Variants in CNGB1 observed in about 807,000 individuals in gnomAD.
CNGB1 encodes cyclic nucleotide-gated channel beta-1.
CNGB1 carries 126 observed loss-of-function variants against 151.7 expected under a neutral mutation model. The ratio of observed to expected loss-of-function variants is 0.83; its 90% CI spans 0.72 to 0.96. CNGB1 has a LOEUF of 0.96. Ranked by LOEUF, CNGB1 falls within the 40% of genes least tolerant of loss-of-function variation. CNGB1 has a pLI of 0.00. For synonymous variants in CNGB1, 623 were observed against 635.1 expected (o/e 0.98, Z 0.29); for missense variants, 1,698 against 1,627.0 (o/e 1.04, Z -0.75).
At chr16:57,939,290 A>G in intron 16 of CNGB1, 140 bp downstream of exon 16, 1 of 1,185,156 alleles carries the variant, frequency 8.4e-7, no homozygotes, top group Non-Finnish European at 1.2e-6. Context: ...ATTTTCCTGA[A>G]GACAGGGTGG....
chr16:57,952,712 G>T (rs1961984065), intron 12 of CNGB1, among the ~76,000 whole-genome samples: 1 of 151,830 alleles, frequency 6.6e-6, no homozygotes, highest in Non-Finnish European at 1.5e-5. Flanking sequence ...TATTGGCCAG[G>T]CTGGTCTCGA....
chr16:57,961,976 G>T (rs976507486), intron 7 of CNGB1, among the ~76,000 whole-genome samples: 3 of 152,142 alleles, frequency 2.0e-5, no homozygotes, highest in African/African-American at 7.2e-5. Flanking sequence ...AAAATTGAGG[G>T]TTTTACATAA....
chr16:57,905,883 A>G (rs1408777770), intron 25 of CNGB1, among the ~76,000 whole-genome samples: 2 of 152,356 alleles, frequency 1.3e-5, no homozygotes, highest in South Asian at 2.1e-4. Flanking sequence ...ACAGTGAAAA[A>G]TAAGTTTCTG....
chr16:57,964,486 C>A lies in CNGB1; in HGVS notation c.217+1G>T, dbSNP rs750060375. On this transcript the variant is annotated splice_donor_variant, in intron 3 of 32. Transcript: ENST00000251102. LOFTEE classifies it high-confidence loss of function. ...GCCTGGGCTTCAGCACTCGCACTCA[C>A]CCTGAGGGCTTGGGTCTGCCACAGC... 2 of 1,614,062 alleles carry A rather than the reference C, an allele frequency of 1.2e-6. No individual in the cohort carries two copies. Among genetic ancestry groups the A allele is most frequent in the Non-Finnish European group, 8.5e-7 (1 of 1,180,012 alleles).
intron 13 of CNGB1, 30 bp downstream of exon 13, chr16:57,950,351 A>C: frequency 6.2e-7 from 1 of 1,613,492 alleles, no homozygotes; most frequent in Non-Finnish European, 8.5e-7. Context: ...AACAATAACT[A>C]ATCTTTTAGG....
intron 16 of CNGB1, among the ~76,000 whole-genome samples, chr16:57,934,128 G>C (rs1168176940): frequency 6.6e-6 from 1 of 152,098 alleles, no homozygotes; most frequent in Non-Finnish European, 1.5e-5. Context: ...ATCCTCTGGA[G>C]AAGAGGATGA....
chr16:57,904,704 G>T, intron 26 of CNGB1, 30 bp downstream of exon 26: 2 of 1,613,620 alleles, frequency 1.2e-6, no homozygotes, highest in South Asian at 1.1e-5. Flanking sequence ...CAGTCAGGTG[G>T]GGTGGGAAGC....
At chr16:57,885,996 A>C (rs1693925693) in intron 32 of CNGB1, among the ~76,000 whole-genome samples, 1 of 152,198 alleles carries the variant, frequency 6.6e-6, no homozygotes, top group African/African-American at 2.4e-5. Context: ...TCAGCAGCTC[A>C]TGGGAAGTTA....
intron 11 of CNGB1, 116 bp downstream of exon 11, chr16:57,958,294 G>A (rs1962141769): frequency 1.8e-6 from 1 of 555,264 alleles, no homozygotes; most frequent in Non-Finnish European, 2.8e-6. Context: ...CATGCAGACA[G>A]GAAGGCTGGG....
chr16:57,935,673 C>T (rs111693391), intron 16 of CNGB1, among the ~76,000 whole-genome samples: 2 of 152,010 alleles, frequency 1.3e-5, no homozygotes, highest in African/African-American at 2.4e-5. Context: ...AGAATTGGTA[C>T]AGATTTAGCA....
chr16:57,923,492 TG>T (rs1228227731), intron 17 of CNGB1, 112 bp from the exon 18 acceptor site: 23 of 866,542 alleles, frequency 2.7e-5, no homozygotes, highest in Non-Finnish European at 3.7e-5. Context: ...AGATAGAGGA[TG>T]GGGGGCGGAG....
chr16:57,922,863 C>CT (rs60779514), intron 18 of CNGB1, among the ~76,000 whole-genome samples: 20,150 of 146,718 alleles, frequency 0.14, 3,442 homozygotes, highest in African/African-American at 0.4. Context: ...GCCAGGGAAT[C>CT]TTTTTTTTTT....
Position 57,898,157 on chromosome 16 carries a change from G to A in CNGB1, c.2977-243C>T, listed in dbSNP as rs1346553715. ...CCTCCATAACTGACAGGGTTGCAGT[G>A]GGGGAGTTAGTGATGTCATGGAATG... On this transcript the variant is annotated intron_variant, in intron 29 of 32. Transcript: ENST00000251102. Among the ~76,000 whole-genome samples the A allele has an allele frequency of 2.0e-5, 3 of 152,164 alleles. No individual in the cohort carries two copies. In the East Asian group the frequency reaches 5.8e-4, roughly 29 times the overall value.
rs375213691 is a variant in CNGB1 at position 57,920,456 on chromosome 16, G to T, written c.1732C>A (p.Arg578=). The change falls in exon 19 of 33, where the codon CGG becomes AGG. Residue 578 remains arginine (R), a synonymous_variant. Coordinates refer to ENST00000251102, the MANE Select transcript of CNGB1 (RefSeq NM_001297.5). The part of the protein sequence containing the change: ...LQELVKLFKE[R]TEKVKEKLID... ...AGTTTCTCCTTCACTTTCTCTGTCC[G>T]CTCCTTGAAGAGCTTCACCAGCTCC... 6.2e-7 allele frequency: 1 copy of T among 1,614,000 alleles called. No homozygotes were observed. Among genetic ancestry groups the T allele is most frequent in the African/African-American group, 1.3e-5 (1 of 74,914 alleles).
chr16:57,963,596 G>A (rs564465692), intron 4 of CNGB1, among the ~76,000 whole-genome samples: 1 of 152,280 alleles, frequency 6.6e-6, no homozygotes, highest in African/African-American at 2.4e-5. Flanking sequence ...CAGGCCCCAA[G>A]CACCATGGGC....
chr16:57,921,186 C>T (rs544156356), intron 18 of CNGB1, among the ~76,000 whole-genome samples: 4 of 145,522 alleles, frequency 2.7e-5, no homozygotes, highest in African/African-American at 1.0e-4. Flanking sequence ...TTGAGCTCAA[C>T]TGAGGAAGAC....
intron 29 of CNGB1, among the ~76,000 whole-genome samples, chr16:57,899,659 C>T (rs1337839817): frequency 6.7e-6 from 1 of 149,508 alleles, no homozygotes; most frequent in Non-Finnish European, 1.5e-5. Flanking sequence ...AACAAACAAA[C>T]AAATAAATAA....
rs1961921955 is a variant in CNGB1 at position 57,950,521 on chromosome 16, T to C, written c.894A>G (p.Gly298=). ...DVQTISILPG[G]QVEPDLVLEE... Reference sequence around the variant, plus strand: ...CTAGGACAAGGTCAGGCTCCACTTGTCCTCCAGGAAGGATGCTGACTGCAG... The same window carrying C: ...CTAGGACAAGGTCAGGCTCCACTTGCCCTCCAGGAAGGATGCTGACTGCAG... Residue 298 remains glycine (G), a synonymous_variant, in exon 13 of 33, where the codon GGA becomes GGG. Coordinates refer to ENST00000251102, the MANE Select transcript of CNGB1 (RefSeq NM_001297.5). 6.2e-7 allele frequency: 1 copy of C among 1,614,076 alleles called. No individual in the cohort carries two copies. The highest frequency in any genetic ancestry group is 1.3e-5 in the African/African-American group (1 of 74,934).
At chr16:57,890,122 G>T (rs1960046282) in intron 31 of CNGB1, among the ~76,000 whole-genome samples, 1 of 152,226 alleles carries the variant, frequency 6.6e-6, no homozygotes. Context: ...AAGAACAAAT[G>T]AATTCTGCCT....
Sources: allele counts gnomAD v4.1 joint callset (sites outside exome capture counted in the v4.1 genomes callset), GRCh38; gene constraint gnomAD v4.1.1; transcripts MANE v1.5; gene names NCBI Gene and HGNC (gene_info 2026-07-23, HGNC 2026-07-21).